Variants in NTRK3 observed in about 807,000 individuals in gnomAD.
NTRK3 encodes the protein neurotrophic receptor tyrosine kinase 3.
NTRK3 carries 24 observed loss-of-function variants against 91.7 expected under a neutral mutation model. That is an observed-to-expected ratio of 0.26 (90% CI 0.19 to 0.37). The LOEUF (loss-of-function observed/expected upper bound fraction) is 0.37, where lower values mean the gene tolerates loss of function less well. Ranked by LOEUF, NTRK3 falls within the 10% of genes least tolerant of loss-of-function variation. The probability of loss-of-function intolerance (pLI) is 1.00; values close to 1 mark genes in which losing one functional copy is unlikely to be tolerated. For missense variants in NTRK3, 880 were observed against 1,068.9 expected (o/e 0.82, Z 2.46); for synonymous variants, 483 against 404.0 (o/e 1.20, Z -2.34).
At chr15:88,106,406 G>A (rs2050713329) in intron 13 of NTRK3, among the ~76,000 whole-genome samples, 1 of 152,128 alleles carries the variant, frequency 6.6e-6, no homozygotes, top group Admixed American at 6.5e-5. Flanking sequence ...GCAGCCTTGG[G>A]GCAAATGGAT....
At chr15:88,005,984 G>A (rs1395585371) in intron 14 of NTRK3, among the ~76,000 whole-genome samples, 1 of 152,210 alleles carries the variant, frequency 6.6e-6, no homozygotes, top group Admixed American at 6.5e-5. Context: ...CTCACTAGGA[G>A]GCAGATGGTA....
At chr15:87,903,785 T>C (rs1014760591) in intron 17 of NTRK3, among the ~76,000 whole-genome samples, 3 of 152,200 alleles carry the variant, frequency 2.0e-5, no homozygotes, top group Admixed American at 1.3e-4. Flanking sequence ...ATCACAAGAC[T>C]TGGGATAGCA....
chr15:88,246,334 G>A (rs999609563), intron 3 of NTRK3, among the ~76,000 whole-genome samples: 2 of 152,202 alleles, frequency 1.3e-5, no homozygotes, highest in East Asian at 3.9e-4. Flanking sequence ...GCAGACACGG[G>A]ATCTGCAGAG....
At chr15:87,968,258 C>A (rs117931121) in intron 14 of NTRK3, among the ~76,000 whole-genome samples, 338 of 152,250 alleles carry the variant, frequency 2.2e-3, no homozygotes, top group Non-Finnish European at 3.8e-3. Flanking sequence ...ATATAACCCA[C>A]AGAAACAAAC....
intron 3 of NTRK3, among the ~76,000 whole-genome samples, chr15:88,194,247 C>T (rs879865436): frequency 1.3e-5 from 2 of 152,238 alleles, no homozygotes; most frequent in African/African-American, 2.4e-5. Context: ...ATGTTGGAGT[C>T]TCCCAGGGAG....
Position 88,125,597 on chromosome 15 carries a change from T to C in NTRK3, c.1396+674A>G, listed in dbSNP as rs1335337318. Reference sequence around the variant, plus strand: ...CTTGAACCATTTGGTCACATCCATCTCTGAGACCAGGCAGGTGGATGCTAA... The same window carrying C: ...CTTGAACCATTTGGTCACATCCATCCCTGAGACCAGGCAGGTGGATGCTAA... On this transcript the variant is annotated intron_variant, in intron 13 of 18. Coordinates refer to ENST00000394480, the Ensembl canonical transcript of NTRK3. 2.6e-5 allele frequency among the ~76,000 whole-genome samples: 4 copies of C among 151,100 alleles called. No individual in the cohort carries two copies. The South Asian group carries it at 6.4e-4, about 24-fold the overall frequency.
At chr15:88,024,440 G>A (rs887847401) in intron 14 of NTRK3, among the ~76,000 whole-genome samples, 1 of 152,178 alleles carries the variant, frequency 6.6e-6, no homozygotes, top group East Asian at 1.9e-4. Flanking sequence ...CTTAAGAAGG[G>A]ATCAGTGGAT....
intron 3 of NTRK3, among the ~76,000 whole-genome samples, chr15:88,211,997 T>C (rs970431732): frequency 1.3e-5 from 2 of 152,084 alleles, no homozygotes; most frequent in African/African-American, 4.8e-5. Context: ...CCCAGATACA[T>C]TGCTTTCTAA....
intron 14 of NTRK3, among the ~76,000 whole-genome samples, chr15:87,997,052 T>A (rs1182299861): frequency 6.6e-6 from 1 of 152,146 alleles, no homozygotes; most frequent in Non-Finnish European, 1.5e-5. Flanking sequence ...GGCAGTGTAG[T>A]CAAGGGGAAT....
At chr15:88,022,180 G>A (rs1194513511) in intron 14 of NTRK3, among the ~76,000 whole-genome samples, 5 of 152,006 alleles carry the variant, frequency 3.3e-5, no homozygotes, top group Non-Finnish European at 7.4e-5. Flanking sequence ...AGCTTCCTGG[G>A]GTGTTCTTAA....
chr15:88,163,704 TG>T (rs2044675777), intron 5 of NTRK3, among the ~76,000 whole-genome samples: 1 of 152,186 alleles, frequency 6.6e-6, no homozygotes, highest in South Asian at 2.1e-4. Flanking sequence ...TCATTCTTTT[TG>T]AGATAGTTCC....
chr15:88,040,784 G>T (rs1567276321), intron 13 of NTRK3, among the ~76,000 whole-genome samples: 1 of 152,144 alleles, frequency 6.6e-6, no homozygotes. Context: ...ACAAGAAAAG[G>T]AAAGATGGAG....
chr15:87,966,465 T>C (rs1048237339), intron 14 of NTRK3, among the ~76,000 whole-genome samples: 1 of 152,136 alleles, frequency 6.6e-6, no homozygotes, highest in Non-Finnish European at 1.5e-5. Context: ...TCCACCCCCA[T>C]CTTCCATCCC....
intron 13 of NTRK3, among the ~76,000 whole-genome samples, chr15:88,121,983 C>A (rs370781040): frequency 6.6e-6 from 1 of 152,170 alleles, no homozygotes; most frequent in Non-Finnish European, 1.5e-5. Context: ...AAAGCATGTT[C>A]GGTTTGTTTC....
chr15:88,113,647 T>TG (rs2051701337), intron 13 of NTRK3, among the ~76,000 whole-genome samples: 1 of 152,058 alleles, frequency 6.6e-6, no homozygotes, highest in Non-Finnish European at 1.5e-5. Context: ...CATGAAACTA[T>TG]GGGGTCTGAA....
At chr15:87,874,658 C>T in exon 19 of NTRK3, 1 of 232,754 alleles carries the variant, frequency 4.3e-6, no homozygotes. Context: ...AGCATTGGTG[C>T]TTCACTTCTA....
At chr15:87,955,411 G>A (rs574665631) in intron 14 of NTRK3, among the ~76,000 whole-genome samples, 2 of 152,234 alleles carry the variant, frequency 1.3e-5, no homozygotes, top group South Asian at 2.1e-4. Context: ...TCTGCTGCAC[G>A]CTACAGAGGG....
intron 5 of NTRK3, among the ~76,000 whole-genome samples, chr15:88,159,921 C>T (rs2044276484): frequency 6.7e-6 from 1 of 148,958 alleles, no homozygotes; most frequent in African/African-American, 2.5e-5. Context: ...GAATCTGTGC[C>T]TCCCCACCCC....
At chr15:88,174,416 C>A (rs1331877717) in intron 5 of NTRK3, among the ~76,000 whole-genome samples, 1 of 152,182 alleles carries the variant, frequency 6.6e-6, no homozygotes, top group Non-Finnish European at 1.5e-5. Context: ...CCCATATACT[C>A]ATATGGACCC....
Sources: gnomAD v4.1 joint callset for allele counts (sites outside exome capture counted in the v4.1 genomes callset) on GRCh38, gnomAD v4.1.1 for gene constraint, MANE v1.5 for transcripts, NCBI Gene and HGNC (gene_info 2026-07-23, HGNC 2026-07-21) for gene names.